AFF2: variants seen among roughly 807,000 people sequenced by gnomAD.
AFF2 encodes the protein AF4/FMR2 family member 2.
A neutral mutation model predicts 76.9 loss-of-function variants in AFF2; 14 were observed. The ratio of observed to expected loss-of-function variants is 0.18; its 90% CI spans 0.12 to 0.28. AFF2 has a LOEUF of 0.28. AFF2 is among the 10% of genes least tolerant of loss of function. The pLI is 1.00. For missense variants in AFF2, 868 were observed against 1,001.1 expected, an observed-to-expected ratio of 0.87 and a Z score of 1.79; for synonymous variants, 398 against 366.7, an observed-to-expected ratio of 1.09 and a Z score of -0.98.
chrX:148,661,961 T>C lies in AFF2; in HGVS notation c.234T>C (p.Tyr78=). The change falls in exon 3 of 21, where the codon TAT becomes TAC. Residue 78 remains tyrosine, a synonymous_variant. Coordinates refer to ENST00000370460, the MANE Select transcript of AFF2 (RefSeq NM_002025.4). The part of the protein sequence containing the change: ...ANRVQNTLGN[Y]DEMKNLLTNH... ...GAGTCCAGAACACGCTTGGAAACTATGATGAAATGAAGAATTTGCTAACTA... is the reference window on the plus strand; with the variant it reads ...GAGTCCAGAACACGCTTGGAAACTACGATGAAATGAAGAATTTGCTAACTA... 1.7e-6 allele frequency: 2 copies of C among 1,208,579 alleles called. No individual in the cohort carries two copies. Among genetic ancestry groups the C allele is most frequent in the Non-Finnish European group, 1.1e-6 (1 of 892,828 alleles).
chrX:148,976,527 C>T (rs16994908), intron 16 of AFF2, among the ~76,000 whole-genome samples: 3,229 of 112,095 alleles, frequency 0.029, 95 homozygotes, highest in African/African-American at 0.095. Context: ...TTCTGGTCCA[C>T]TTAAGCAATT....
chrX:148,867,412 C>T (rs1557276934), intron 7 of AFF2, among the ~76,000 whole-genome samples: 1 of 112,295 alleles, frequency 8.9e-6, no homozygotes, highest in African/African-American at 3.2e-5. Context: ...ATGCTACCAG[C>T]CTTCACTACA....
intron 5 of AFF2, among the ~76,000 whole-genome samples, chrX:148,842,396 T>C (rs2070611143): frequency 8.8e-6 from 1 of 113,025 alleles, no homozygotes; most frequent in South Asian, 3.6e-4. Flanking sequence ...CATTGCTTTC[T>C]ATACTTCGAC....
intron 1 of AFF2, among the ~76,000 whole-genome samples, chrX:148,583,211 A>G (rs782169196): frequency 8.5e-4 from 95 of 111,638 alleles, no homozygotes; most frequent in Middle Eastern, 4.7e-3. Flanking sequence ...TACACTAAAA[A>G]CATCTAAATT....
intron 2 of AFF2, among the ~76,000 whole-genome samples, chrX:148,659,727 A>G (rs2054286577): frequency 8.9e-6 from 1 of 112,119 alleles, no homozygotes; most frequent in Non-Finnish European, 1.9e-5. Context: ...AAATTTAGAG[A>G]TTGAACAGGG....
intron 1 of AFF2, among the ~76,000 whole-genome samples, chrX:148,536,046 C>CCGTATCTA (rs2052781481): frequency 9.1e-6 from 1 of 110,376 alleles, no homozygotes; most frequent in African/African-American, 3.3e-5. Context: ...TGGTGAAACC[C>CCGTATCTA]CGTATCTACT....
chrX:148,671,914 T>C (rs1445592415), intron 3 of AFF2, among the ~76,000 whole-genome samples: 1 of 111,709 alleles, frequency 9.0e-6, no homozygotes, highest in Non-Finnish European at 1.9e-5. Flanking sequence ...TTCACATTAC[T>C]TCTAGGAAAA....
chrX:148,835,484 CTTTTT>C (rs11354092), intron 4 of AFF2, among the ~76,000 whole-genome samples: 1 of 58,978 alleles, frequency 1.7e-5, no homozygotes, highest in Admixed American at 2.1e-4. Context: ...ACGTCACATA[CTTTTT>C]TTTTTTTTTT....
intron 4 of AFF2, among the ~76,000 whole-genome samples, chrX:148,823,188 T>G (rs1399380609): frequency 9.0e-6 from 1 of 111,497 alleles, no homozygotes; most frequent in Admixed American, 9.6e-5. Context: ...GTGGAGACCA[T>G]GCAGCATCGG....
Position 148,570,532 on chromosome X carries a change from T to A in AFF2, c.47+69388T>A, listed in dbSNP as rs782701471. ...CACTGATGATCTGGGCATGCAGATG[T>A]GACTGAAAGGGTCTGTGTAATGACA... On this transcript the variant is annotated intron_variant, in intron 1 of 20. Transcript: ENST00000370460. Among the ~76,000 whole-genome samples the A allele has an allele frequency of 3.6e-5, 4 of 112,024 alleles. No individual in the cohort carries two copies. In the Admixed American group the frequency reaches 3.8e-4, roughly 11 times the overall value.
intron 3 of AFF2, among the ~76,000 whole-genome samples, chrX:148,763,280 C>T (rs2069473796): frequency 9.0e-6 from 1 of 111,624 alleles, no homozygotes; most frequent in Admixed American, 9.5e-5. Flanking sequence ...CACGGGAGTA[C>T]AAATCAAAAT....
intron 9 of AFF2, among the ~76,000 whole-genome samples, chrX:148,929,140 A>G (rs2071684925): frequency 8.9e-6 from 1 of 112,312 alleles, no homozygotes; most frequent in Non-Finnish European, 1.9e-5. Flanking sequence ...CTCTAGCTTT[A>G]AATTAATCTC....
chrX:148,991,615 A>G lies in AFF2; in HGVS notation c.*283A>G, dbSNP rs1008156286. On this transcript the variant is annotated 3_prime_UTR_variant, in exon 21 of 21. Coordinates refer to ENST00000370460, the MANE Select transcript of AFF2 (RefSeq NM_002025.4). The stretch of plus-strand genomic sequence containing the variant: ...TGCTTTATGGAATGACAGTCCCTAC[A>G]ATATTGTTTTAAGCCCACACTACCC... The G allele has an allele frequency of 6.5e-5, 12 of 184,478 alleles. No homozygotes were observed. Among genetic ancestry groups the G allele is most frequent in the African/African-American group, 2.7e-4 (9 of 33,388 alleles). 15.2% of individuals were successfully genotyped at this position (184,478 alleles called of 1,213,427 possible).
At chrX:148,714,292 T>C (rs908715260) in intron 3 of AFF2, among the ~76,000 whole-genome samples, 2 of 112,270 alleles carry the variant, frequency 1.8e-5, no homozygotes, top group Non-Finnish European at 3.8e-5. Flanking sequence ...GACCACTTTT[T>C]TAAAGTAAGA....
intron 7 of AFF2, among the ~76,000 whole-genome samples, chrX:148,848,266 T>A (rs2070691533): frequency 8.9e-6 from 1 of 111,949 alleles, no homozygotes; most frequent in Non-Finnish European, 1.9e-5. Context: ...ATGTCATTAT[T>A]TCTAAAGTTT....
intron 3 of AFF2, among the ~76,000 whole-genome samples, chrX:148,712,921 G>C (rs1485852333): frequency 8.9e-6 from 1 of 111,742 alleles, no homozygotes; most frequent in Non-Finnish European, 1.9e-5. Context: ...TATGTAGGAT[G>C]ATGACAAGTG....
intron 9 of AFF2, among the ~76,000 whole-genome samples, chrX:148,913,123 T>A (rs782104757): frequency 2.7e-5 from 3 of 112,494 alleles, no homozygotes; most frequent in Non-Finnish European, 5.6e-5. Flanking sequence ...TGCACAAATG[T>A]CTGAACACCT....
chrX:148,559,621 G>A (rs1314121650), intron 1 of AFF2, among the ~76,000 whole-genome samples: 1 of 111,168 alleles, frequency 9.0e-6, no homozygotes, highest in African/African-American at 3.3e-5. Flanking sequence ...TTTTTTTATG[G>A]CTGCATAGTA....
intron 7 of AFF2, among the ~76,000 whole-genome samples, chrX:148,853,394 G>A (rs1431046379): frequency 3.6e-5 from 4 of 111,418 alleles, no homozygotes; most frequent in Admixed American, 1.9e-4. Context: ...TCACTCCCCT[G>A]TCATGTGACT....
Sources: allele counts gnomAD v4.1 joint callset (sites outside exome capture counted in the v4.1 genomes callset), GRCh38; gene constraint gnomAD v4.1.1; transcripts MANE v1.5; gene names NCBI Gene and HGNC (gene_info 2026-07-23, HGNC 2026-07-21).